SLCO3A1: variants seen among roughly 807,000 people sequenced by gnomAD.
SLCO3A1 encodes the protein PGE1 transporter.
In SLCO3A1, 27 loss-of-function variants were observed where a neutral mutation model predicts 63.1. That is an observed-to-expected ratio of 0.43 (90% CI 0.32 to 0.59). The LOEUF (loss-of-function observed/expected upper bound fraction) is 0.59. Among genes scored for constraint, SLCO3A1 ranks in the 20% least tolerant of loss-of-function variants. The probability of loss-of-function intolerance (pLI) is 0.09; values close to 1 mark genes in which losing one functional copy is unlikely to be tolerated. For missense variants in SLCO3A1, 773 were observed against 945.8 expected (o/e 0.82, Z 2.40); for synonymous variants, 473 against 409.9 (o/e 1.15, Z -1.86).
In SLCO3A1 at chr15:91,957,449, G is replaced by A. The variant is rs182749053; in HGVS notation, c.646+40991G>A. ...GGCCCATGAGGCCCTCTGTGATGGG[G>A]TCAGTCTGCCTTCCCCACCTTCTTT... On this transcript the variant is annotated intron_variant, in intron 2 of 9. Coordinates refer to ENST00000318445, the MANE Select transcript of SLCO3A1 (RefSeq NM_013272.4). Among the ~76,000 whole-genome samples the A allele has an allele frequency of 1.7e-3, 256 of 151,922 alleles. 1 individual carries two copies. Among genetic ancestry groups the A allele is most frequent in the African/African-American group, 5.9e-3 (244 of 41,430 alleles).
Position 91,916,392 on chromosome 15 carries a change from G to C in SLCO3A1, c.580G>C (p.Val194Leu). ...GCTCCTGGGCATCGGTGCTACCCCT[G>C]TGCAGCCCCTGGGCGTCTCCTACAT... ...QVLLGIGATP[V>L]QPLGVSYIDD... The change falls in exon 2 of 10, where the codon GTG becomes CTG. Residue 194 changes from valine (V) to leucine (L), a missense_variant. Coordinates refer to ENST00000318445, the MANE Select transcript of SLCO3A1 (RefSeq NM_013272.4). This position sits in a 1 kb window ranked among gnomAD's most constrained non-coding sequence, Gnocchi z 6.2. 1 of 1,613,078 alleles carries C rather than the reference G, an allele frequency of 6.2e-7. No homozygotes were observed. The highest frequency in any genetic ancestry group is 1.1e-5 in the South Asian group (1 of 90,830).
chr15:92,012,550 T>C (rs2046380413), intron 2 of SLCO3A1, among the ~76,000 whole-genome samples: 1 of 152,072 alleles, frequency 6.6e-6, no homozygotes. Context: ...ACCACATTGC[T>C]CTAGAAATTG....
intron 2 of SLCO3A1, among the ~76,000 whole-genome samples, chr15:91,929,706 C>T (rs574704745): frequency 6.6e-6 from 1 of 152,090 alleles, no homozygotes; most frequent in Non-Finnish European, 1.5e-5. Context: ...ATTCCACCCC[C>T]TCTCCAGGCC....
intron 2 of SLCO3A1, among the ~76,000 whole-genome samples, chr15:91,992,059 T>C (rs2046132629): frequency 6.6e-6 from 1 of 152,232 alleles, no homozygotes. Context: ...GGGACTTTTC[T>C]CTCTGGAGCT....
intron 2 of SLCO3A1, among the ~76,000 whole-genome samples, chr15:91,973,611 G>A (rs1328610793): frequency 6.6e-6 from 1 of 152,180 alleles, no homozygotes; most frequent in Non-Finnish European, 1.5e-5. Context: ...CAACCTGGGT[G>A]CTTTTGCACC....
At chr15:91,957,546 A>C (rs1456603921) in intron 2 of SLCO3A1, among the ~76,000 whole-genome samples, 2 of 152,004 alleles carry the variant, frequency 1.3e-5, no homozygotes, top group Non-Finnish European at 2.9e-5. Context: ...GATCAAGCTC[A>C]GTTCCCACCT....
chr15:92,071,980 G>T (rs1217501677), intron 2 of SLCO3A1, among the ~76,000 whole-genome samples: 1 of 152,178 alleles, frequency 6.6e-6, no homozygotes, highest in East Asian at 1.9e-4. Flanking sequence ...GTCACCAAGG[G>T]TACAATTAAT....
intron 2 of SLCO3A1, among the ~76,000 whole-genome samples, chr15:92,013,154 G>A (rs2046388330): frequency 6.6e-6 from 1 of 152,206 alleles, no homozygotes; most frequent in African/African-American, 2.4e-5. Flanking sequence ...TGAAGCTAGG[G>A]GGAGAGAGCC....
chr15:91,879,425 C>A (rs1032100360), intron 1 of SLCO3A1, among the ~76,000 whole-genome samples: 1 of 151,810 alleles, frequency 6.6e-6, no homozygotes, highest in Admixed American at 6.6e-5. Flanking sequence ...AGTATAAAAT[C>A]ATTTTATTTA....
At chr15:91,881,230 A>G (rs2151345812) in intron 1 of SLCO3A1, among the ~76,000 whole-genome samples, 1 of 152,284 alleles carries the variant, frequency 6.6e-6, no homozygotes, top group Non-Finnish European at 1.5e-5. Flanking sequence ...GACAGGAAGC[A>G]GAGGGAATTT....
At position 91,900,374 on chromosome 15, in the gene SLCO3A1, G is replaced by T. The variant is rs1898121610; in HGVS notation, c.181-15619G>T. On this transcript the variant is annotated intron_variant, in intron 1 of 9. Coordinates refer to ENST00000318445, the MANE Select transcript of SLCO3A1 (RefSeq NM_013272.4). This position sits in a 1 kb window ranked among gnomAD's most constrained non-coding sequence, Gnocchi z 4.3. ...AGATGGAGTCTTGCTCTGTCACACA[G>T]GCTGGAGTGCAGTGGTGTGATCTCA... 1.3e-5 allele frequency among the ~76,000 whole-genome samples: 2 copies of T among 152,206 alleles called. No homozygotes were observed. The highest frequency in any genetic ancestry group is 1.3e-4 in the Admixed American group (2 of 15,282).
chr15:92,141,944 C>A (rs964534796), intron 7 of SLCO3A1, among the ~76,000 whole-genome samples: 2 of 152,212 alleles, frequency 1.3e-5, no homozygotes, highest in African/African-American at 4.8e-5. Context: ...CCAGCCTGCT[C>A]CCCATGTGTG....
chr15:92,030,170 C>T (rs1238776150), intron 2 of SLCO3A1, among the ~76,000 whole-genome samples: 2 of 152,144 alleles, frequency 1.3e-5, no homozygotes, highest in Non-Finnish European at 2.9e-5. Flanking sequence ...GTGTTTTATC[C>T]CACAAAATGC....
chr15:91,946,556 G>A (rs1398616048), intron 2 of SLCO3A1, among the ~76,000 whole-genome samples: 1 of 152,230 alleles, frequency 6.6e-6, no homozygotes, highest in East Asian at 1.9e-4. Flanking sequence ...CAAATATTAG[G>A]TAGTGGTCAG....
chr15:91,894,731 A>G lies in SLCO3A1; in HGVS notation c.181-21262A>G, dbSNP rs558341986. 6.6e-6 allele frequency among the ~76,000 whole-genome samples: 1 copy of G among 152,312 alleles called. No homozygotes were observed. Among genetic ancestry groups the G allele is most frequent in the East Asian group, 1.9e-4 (1 of 5,186 alleles). On this transcript the variant is annotated intron_variant, in intron 1 of 9. Coordinates refer to ENST00000318445, the MANE Select transcript of SLCO3A1 (RefSeq NM_013272.4). The surrounding 1 kb of genome is among the most constrained non-coding windows in gnomAD (Gnocchi z 4.8). Reference sequence around the variant, plus strand: ...CAGGGTCTGAGATTTTTGAATTTCTAAAAGGCTCTCTGGTGATGTCAGCTA... The same window carrying G: ...CAGGGTCTGAGATTTTTGAATTTCTGAAAGGCTCTCTGGTGATGTCAGCTA...
intron 2 of SLCO3A1, among the ~76,000 whole-genome samples, chr15:92,030,645 C>T (rs34463319): frequency 0.19 from 28,144 of 152,022 alleles, 2,807 homozygotes; most frequent in Non-Finnish European, 0.21. Flanking sequence ...TCTTGGACCT[C>T]GGATTTACAG....
intron 4 of SLCO3A1, among the ~76,000 whole-genome samples, chr15:92,116,560 T>A (rs1383639068): frequency 2.0e-5 from 3 of 152,228 alleles, no homozygotes; most frequent in Non-Finnish European, 4.4e-5. Context: ...CTGCAGGTGT[T>A]CAATGGCCTG....
chr15:92,163,621 ACC>A lies in SLCO3A1; in HGVS notation c.*488_*489del. 4.1e-6 allele frequency: 4 copies of A among 984,008 alleles called. No individual in the cohort carries two copies. The highest frequency in any genetic ancestry group is 4.8e-6 in the Non-Finnish European group (4 of 829,724). 61.0% of individuals were successfully genotyped at this position (984,008 alleles called of 1,614,324 possible). On this transcript the variant is annotated 3_prime_UTR_variant, in exon 10 of 10. Transcript: ENST00000318445. ...AAGCACTAGTGACACACCCCGTGCC[ACC>A]CTCTTCCTCCAGGTGGGGGTGGGGG...
At chr15:91,975,334 C>T (rs767540676) in intron 2 of SLCO3A1, among the ~76,000 whole-genome samples, 1 of 152,226 alleles carries the variant, frequency 6.6e-6, no homozygotes, top group Non-Finnish European at 1.5e-5. Flanking sequence ...CTCCACCCCA[C>T]CCCCTTGTCC....
Sources: allele counts gnomAD v4.1 joint callset (sites outside exome capture counted in the v4.1 genomes callset), GRCh38; gene constraint gnomAD v4.1.1; non-coding constraint Gnocchi (gnomAD v3.1); transcripts MANE v1.5; gene names NCBI Gene and HGNC (gene_info 2026-07-23, HGNC 2026-07-21).